CDH13: variants seen among roughly 807,000 people sequenced by gnomAD.
CDH13 encodes the protein cadherin-13.
CDH13 carries 24 observed loss-of-function variants against 63.8 expected under a neutral mutation model. The observed-to-expected ratio is 0.38, with a 90% CI of 0.27 to 0.53. CDH13 has a LOEUF of 0.53. Among genes scored for constraint, CDH13 ranks in the 20% least tolerant of loss-of-function variants. The probability of loss-of-function intolerance (pLI) is 0.85; values close to 1 mark genes in which losing one functional copy is unlikely to be tolerated. For missense variants in CDH13, 1,049 were observed against 903.1 expected (o/e 1.16, Z -2.07); for synonymous variants, 503 against 355.3 (o/e 1.42, Z -4.67).
intron 5 of CDH13, among the ~76,000 whole-genome samples, chr16:83,308,499 G>A (rs1194627742): frequency 1.3e-5 from 2 of 152,158 alleles, no homozygotes; most frequent in East Asian, 1.9e-4. Context: ...CCACACAAAG[G>A]GAGTAGGAAT....
chr16:83,001,417 A>C (rs1030408083), intron 2 of CDH13, among the ~76,000 whole-genome samples: 3 of 152,252 alleles, frequency 2.0e-5, no homozygotes, highest in Non-Finnish European at 4.4e-5. Flanking sequence ...GTGACCAATA[A>C]TGATAATGGA....
At chr16:82,914,364 C>T (rs1262842330) in intron 2 of CDH13, among the ~76,000 whole-genome samples, 1 of 152,156 alleles carries the variant, frequency 6.6e-6, no homozygotes, top group Non-Finnish European at 1.5e-5. Flanking sequence ...TTATTATCCC[C>T]ATTTTACAGG....
intron 1 of CDH13, among the ~76,000 whole-genome samples, chr16:82,707,503 G>A (rs1375225075): frequency 6.6e-6 from 1 of 152,128 alleles, no homozygotes; most frequent in African/African-American, 2.4e-5. Flanking sequence ...CTTATTCACA[G>A]GCAAAATATT....
At chr16:82,655,479 A>G (rs988450453) in intron 1 of CDH13, among the ~76,000 whole-genome samples, 1 of 152,160 alleles carries the variant, frequency 6.6e-6, no homozygotes, top group Non-Finnish European at 1.5e-5. Context: ...AGCAGGAAAT[A>G]GTGAGGCTAC....
chr16:83,034,384 A>G (rs901204527), intron 3 of CDH13, among the ~76,000 whole-genome samples: 2 of 152,182 alleles, frequency 1.3e-5, no homozygotes, highest in Non-Finnish European at 2.9e-5. Flanking sequence ...AAACGAATGT[A>G]CGGCACGTCA....
chr16:83,513,674 C>T (rs748852110), intron 7 of CDH13, among the ~76,000 whole-genome samples: 6 of 152,266 alleles, frequency 3.9e-5, no homozygotes, highest in Admixed American at 1.3e-4. Context: ...CATTCACTAT[C>T]ATGAGAACAG....
chr16:82,765,954 T>G (rs1392413837), intron 1 of CDH13, among the ~76,000 whole-genome samples: 1 of 152,212 alleles, frequency 6.6e-6, no homozygotes, highest in South Asian at 2.1e-4. Flanking sequence ...CTCATAGTTA[T>G]GTGAGTTCAG....
intron 6 of CDH13, among the ~76,000 whole-genome samples, chr16:83,349,495 G>C (rs1051802677): frequency 6.6e-6 from 1 of 152,122 alleles, no homozygotes; most frequent in Admixed American, 6.5e-5. Flanking sequence ...TGAAGATTGA[G>C]GCCTGCCTGT....
At chr16:82,935,721 G>A (rs968590778) in intron 2 of CDH13, among the ~76,000 whole-genome samples, 5 of 152,124 alleles carry the variant, frequency 3.3e-5, no homozygotes, top group Admixed American at 2.0e-4. Flanking sequence ...CAGATTGGTA[G>A]TGTCATTAGA....
chr16:82,852,857 T>A (rs562285562), intron 1 of CDH13, among the ~76,000 whole-genome samples: 1 of 152,018 alleles, frequency 6.6e-6, no homozygotes. Flanking sequence ...GCCACATCCA[T>A]CCCTTATGCT....
intron 1 of CDH13, among the ~76,000 whole-genome samples, chr16:82,746,884 A>C (rs2034199949): frequency 6.6e-6 from 1 of 152,196 alleles, no homozygotes; most frequent in Admixed American, 6.5e-5. Flanking sequence ...CTGGAATATT[A>C]AAACAATTGT....
chr16:83,475,666 T>C (rs9928629), intron 6 of CDH13, among the ~76,000 whole-genome samples: 127,356 of 151,486 alleles, frequency 0.84, 53,952 homozygotes, highest in East Asian at 1. Context: ...CCTGCAGCCT[T>C]CGCCTCTCGT....
At chr16:83,628,617 C>A (rs1910526800) in intron 8 of CDH13, among the ~76,000 whole-genome samples, 1 of 152,188 alleles carries the variant, frequency 6.6e-6, no homozygotes, top group Non-Finnish European at 1.5e-5. Context: ...TCTTCCCAGT[C>A]TGTAGTTTTT....
chr16:83,450,977 G>A (rs578154271), intron 6 of CDH13, among the ~76,000 whole-genome samples: 1 of 152,194 alleles, frequency 6.6e-6, no homozygotes, highest in Non-Finnish European at 1.5e-5. Flanking sequence ...CCATATGGCT[G>A]AGCCGCACCC....
chr16:82,951,131 G>A (rs1373921755), intron 2 of CDH13, among the ~76,000 whole-genome samples: 1 of 152,060 alleles, frequency 6.6e-6, no homozygotes, highest in Non-Finnish European at 1.5e-5. Context: ...ATGTTTTGAG[G>A]GATGTGCAAG....
intron 1 of CDH13, among the ~76,000 whole-genome samples, chr16:82,678,677 A>C (rs1914209957): frequency 6.6e-6 from 1 of 152,138 alleles, no homozygotes; most frequent in African/African-American, 2.4e-5. Flanking sequence ...TCTGTGCAAA[A>C]CAGGTGGCAT....
In CDH13 at chr16:83,465,699, G is replaced by T. The variant is rs1360240513; in HGVS notation, c.782-20778G>T. ...TCAGCTCAGAGACAATTGATGGTCT[G>T]TGCATGTCCTTGTGAGGCTTTCTGT... On this transcript the variant is annotated intron_variant, in intron 6 of 13. Transcript: ENST00000567109. Among the ~76,000 whole-genome samples the T allele has an allele frequency of 3.3e-5, 5 of 152,230 alleles. No individual in the cohort carries two copies. The South Asian group carries it at 1.0e-3, about 31-fold the overall frequency.
chr16:82,903,956 C>G (rs1385148087), intron 2 of CDH13, among the ~76,000 whole-genome samples: 1 of 152,126 alleles, frequency 6.6e-6, no homozygotes, highest in African/African-American at 2.4e-5. Context: ...CTCTGTATGT[C>G]TCTCTTTTTC....
chr16:83,144,700 T>C (rs751253956), intron 4 of CDH13, among the ~76,000 whole-genome samples: 43 of 152,224 alleles, frequency 2.8e-4, no homozygotes, highest in Admixed American at 6.5e-4. Flanking sequence ...CAGGGCTAAA[T>C]TTTTCCGAAA....
Sources: allele counts gnomAD v4.1 joint callset (sites outside exome capture counted in the v4.1 genomes callset), GRCh38; gene constraint gnomAD v4.1.1; transcripts MANE v1.5; gene names NCBI Gene and HGNC (gene_info 2026-07-23, HGNC 2026-07-21).